The following TCF20 variants were observed in gnomAD, a reference collection of about 807,000 sequenced individuals.
TCF20 encodes SPRE-binding protein.
TCF20 carries 3 observed loss-of-function variants against 148.6 expected under a neutral mutation model. The ratio of observed to expected loss-of-function variants is 0.02; its 90% CI spans 0.01 to 0.05. The LOEUF (loss-of-function observed/expected upper bound fraction) is 0.05. Among genes scored for constraint, TCF20 ranks in the 10% least tolerant of loss-of-function variants. The pLI is 1.00. For missense variants in TCF20, 2,350 were observed against 2,429.3 expected (o/e 0.97, Z 0.69); for synonymous variants, 1,049 against 909.5 (o/e 1.15, Z -2.76).
intron 1 of TCF20, among the ~76,000 whole-genome samples, chr22:42,227,276 CA>C (rs113246958): frequency 6.7e-6 from 1 of 149,850 alleles, no homozygotes; most frequent in African/African-American, 2.5e-5. Flanking sequence ...CAGCCTCTCT[CA>C]AAAAAAAATA....
At chr22:42,257,686 T>C (rs1301059352) in intron 1 of TCF20, among the ~76,000 whole-genome samples, 1 of 152,174 alleles carries the variant, frequency 6.6e-6, no homozygotes, top group African/African-American at 2.4e-5. Flanking sequence ...CAAGTCTTTT[T>C]TCAGCAAAAA....
intron 2 of TCF20, among the ~76,000 whole-genome samples, chr22:42,181,671 A>C (rs1936782161): frequency 6.6e-6 from 1 of 151,188 alleles, no homozygotes; most frequent in Admixed American, 6.6e-5. Context: ...GCAGTGGCAC[A>C]ATCATGGCTC....
chr22:42,236,178 A>G (rs140171681), intron 1 of TCF20, among the ~76,000 whole-genome samples: 169 of 152,306 alleles, frequency 1.1e-3, no homozygotes, highest in African/African-American at 4.0e-3. Flanking sequence ...TCCACTTCAA[A>G]AAAACAAACA....
chr22:42,321,014 A>G (rs1311312493), intron 1 of TCF20, among the ~76,000 whole-genome samples: 1 of 152,218 alleles, frequency 6.6e-6, no homozygotes, highest in African/African-American at 2.4e-5. Context: ...AAAATGAGTT[A>G]ATATAACATT....
intron 1 of TCF20, among the ~76,000 whole-genome samples, chr22:42,233,670 G>C (rs904985869): frequency 3.9e-5 from 6 of 152,154 alleles, no homozygotes; most frequent in African/African-American, 1.4e-4. Context: ...TCGAACACTG[G>C]GTGAATTAAG....
intron 1 of TCF20, among the ~76,000 whole-genome samples, chr22:42,283,073 C>T (rs1437078811): frequency 1.3e-5 from 2 of 152,240 alleles, no homozygotes; most frequent in Non-Finnish European, 2.9e-5. Flanking sequence ...TCTTCCTCCT[C>T]CCACCTCAGA....
intron 1 of TCF20, among the ~76,000 whole-genome samples, chr22:42,223,792 A>G (rs1376212483): frequency 6.6e-6 from 1 of 152,164 alleles, no homozygotes; most frequent in Non-Finnish European, 1.5e-5. Context: ...CAAATGTGGG[A>G]TCTTCCTAAG....
intron 2 of TCF20, among the ~76,000 whole-genome samples, chr22:42,184,202 T>C (rs1395423556): frequency 2.0e-5 from 3 of 152,200 alleles, no homozygotes; most frequent in Non-Finnish European, 2.9e-5. Context: ...GTTTTTCTTG[T>C]AGAAGAAACA....
At chr22:42,255,081 C>T (rs927628407) in intron 1 of TCF20, among the ~76,000 whole-genome samples, 3 of 151,942 alleles carry the variant, frequency 2.0e-5, no homozygotes, top group African/African-American at 4.8e-5. Flanking sequence ...ACTCAACCTC[C>T]GTTATTCAGT....
intron 1 of TCF20, among the ~76,000 whole-genome samples, chr22:42,331,058 C>T (rs544275996): frequency 3.9e-5 from 6 of 152,342 alleles, no homozygotes; most frequent in African/African-American, 9.6e-5. Context: ...CCTGGGCATG[C>T]GGTTGCACTG....
chr22:42,161,972 C>CTTTTTTTTTTTTTTTTTTTTTTTTTTT (rs3045573), intron 5 of TCF20, among the ~76,000 whole-genome samples: 1 of 75,030 alleles, frequency 1.3e-5, no homozygotes, highest in African/African-American at 6.4e-5. Context: ...TAATGACAGT[C>CTTTTTTTTTTTTTTTTTTTTTTTTTTT]TTTTTTTTTT....
At position 42,254,959 on chromosome 22, in the gene TCF20, CAA is replaced by C. The variant is rs10625678; in HGVS notation, c.-37+15378_-37+15379del. Among the ~76,000 whole-genome samples, 6 of 62,824 alleles carry C rather than the reference CAA, an allele frequency of 9.6e-5. 1 individual carries two copies. The highest frequency in any genetic ancestry group is 5.7e-4 in the African/African-American group (6 of 10,452). 41.2% of individuals were successfully genotyped at this position (62,824 alleles called of 152,430 possible). A position where few individuals can be genotyped will look rare whatever the true frequency, so the allele number is the denominator to read the frequency against. On this transcript the variant is annotated intron_variant, in intron 1 of 5. Coordinates refer to ENST00000677622, the MANE Select transcript of TCF20 (RefSeq NM_001378418.1). ...TGGGTGACACAGCAAGACTCCGTCT[CAA>C]AAAAAAAAAAAAAAAAAAGGTAGAG...
intron 1 of TCF20, among the ~76,000 whole-genome samples, chr22:42,281,884 G>A (rs1169665897): frequency 6.6e-6 from 1 of 152,208 alleles, no homozygotes; most frequent in Non-Finnish European, 1.5e-5. Flanking sequence ...GAGTGCAGAG[G>A]GGAGGCCTTA....
chr22:42,252,156 A>T (rs1925426018), intron 1 of TCF20, among the ~76,000 whole-genome samples: 1 of 151,574 alleles, frequency 6.6e-6, no homozygotes, highest in South Asian at 2.1e-4. Flanking sequence ...GTGTGGTGGC[A>T]CGCACCTATA....
At chr22:42,263,474 G>A (rs1217433315) in intron 1 of TCF20, among the ~76,000 whole-genome samples, 5 of 152,154 alleles carry the variant, frequency 3.3e-5, no homozygotes, top group African/African-American at 1.2e-4. Context: ...GAGGTCTGGA[G>A]GTAAGCTGCT....
At chr22:42,332,916 C>G (rs1196649117) in intron 1 of TCF20, among the ~76,000 whole-genome samples, 4 of 152,178 alleles carry the variant, frequency 2.6e-5, no homozygotes, top group African/African-American at 9.7e-5. Context: ...CTGCTGGCAG[C>G]AGGTGGGGGT....
At chr22:42,178,808 G>A (rs1394700262) in intron 3 of TCF20, among the ~76,000 whole-genome samples, 1 of 151,510 alleles carries the variant, frequency 6.6e-6, no homozygotes, top group Non-Finnish European at 1.5e-5. Flanking sequence ...TTGAACTCCT[G>A]ACCCCATGAT....
intron 1 of TCF20, among the ~76,000 whole-genome samples, chr22:42,305,488 C>G (rs1927415148): frequency 6.6e-6 from 1 of 152,180 alleles, no homozygotes; most frequent in Non-Finnish European, 1.5e-5. Context: ...CAGGGGAGAC[C>G]AGACCCCTGG....
intron 5 of TCF20, among the ~76,000 whole-genome samples, chr22:42,165,346 T>A (rs1225939582): frequency 6.6e-6 from 1 of 152,248 alleles, no homozygotes; most frequent in Non-Finnish European, 1.5e-5. Context: ...GGATGCAGCA[T>A]TAGCCCTGAT....
Sources: gnomAD v4.1 joint callset for allele counts (sites outside exome capture counted in the v4.1 genomes callset) on GRCh38, gnomAD v4.1.1 for gene constraint, MANE v1.5 for transcripts, NCBI Gene and HGNC (gene_info 2026-07-23, HGNC 2026-07-21) for gene names.